NRXN2: variants seen among roughly 807,000 people sequenced by gnomAD.
NRXN2 encodes the protein neurexin-2-beta.
NRXN2 carries 29 observed loss-of-function variants against 128.8 expected under a neutral mutation model. The ratio of observed to expected loss-of-function variants is 0.23; its 90% confidence interval spans 0.17 to 0.31. The LOEUF is 0.31. Among genes scored for constraint, NRXN2 ranks in the 10% least tolerant of loss-of-function variants. The pLI, the probability that NRXN2 is intolerant of heterozygous loss-of-function variation, is 1.00. For missense variants in NRXN2, 1,881 were observed against 2,452.6 expected (o/e 0.77, Z 4.92); for synonymous variants, 1,098 against 1,075.2 (o/e 1.02, Z -0.41).
chr11:64,713,288 G>T lies in NRXN2; in HGVS notation c.412C>A (p.Arg138Ser), dbSNP rs1393547200. The change falls in exon 2 of 23, where the codon CGC (arginine) becomes AGC (serine). Residue 138 changes from arginine (R) to serine (S), a missense_variant. Transcript: ENST00000265459. The part of the protein sequence containing the change: ...VDGEARAAEV[R>S]SKRREMQVAS... ...ACCTGCATCTCGCGCCGCTTGGAGCGCACCTCGGCGGCGCGGGCCTCGCCG... is the reference window on the plus strand; with the variant it reads ...ACCTGCATCTCGCGCCGCTTGGAGCTCACCTCGGCGGCGCGGGCCTCGCCG... 3.6e-6 allele frequency: 5 copies of T among 1,380,708 alleles called. No homozygotes were observed. The highest frequency in any genetic ancestry group is 1.9e-6 in the Non-Finnish European group (2 of 1,070,998). The allele number at this position is 1,380,708 out of a possible 1,614,324, so 85.5% of individuals were successfully genotyped here.
At position 64,648,274 on chromosome 11, in the gene NRXN2, A is replaced by C. The variant is rs1330613066; in HGVS notation, c.3348T>G (p.Asp1116Glu). Residue 1116 changes from aspartate (D) to glutamate (E), a missense_variant, in exon 17 of 23, where the codon GAT becomes GAG. This residue lies in a region of NRXN2 where 390 missense variants were observed against 599.6 expected (regional missense o/e 0.65). Transcript: ENST00000265459. The surrounding 1 kb of genome is among the most constrained non-coding windows in gnomAD (Gnocchi z 4.1). ...ANQGVCLQQW[D>E]GFTCDCTMTS... ...TCATGGTGCAGTCGCAGGTGAAGCC[A>C]TCCCACTGCTGCAAGCAGACGCCCT... The C allele has an allele frequency of 5.6e-6, 9 of 1,614,102 alleles. No homozygotes were observed. Among genetic ancestry groups the C allele is most frequent in the Non-Finnish European group, 7.6e-6 (9 of 1,180,040 alleles).
intron 7 of NRXN2, chr11:64,676,666 A>C: frequency 2.2e-6 from 1 of 461,320 alleles, no homozygotes; most frequent in Non-Finnish European, 3.9e-6. Context: ...GGGCTGGTCT[A>C]ACCAGAGCCG....
At chr11:64,621,682 TAGA>T (rs1042113241) in intron 21 of NRXN2, among the ~76,000 whole-genome samples, 2 of 152,106 alleles carry the variant, frequency 1.3e-5, no homozygotes, top group South Asian at 2.1e-4. Context: ...GCCCTCACCC[TAGA>T]AGGACAGAGG....
intron 2 of NRXN2, among the ~76,000 whole-genome samples, chr11:64,700,320 T>C (rs1390847118): frequency 6.6e-6 from 1 of 152,192 alleles, no homozygotes; most frequent in Non-Finnish European, 1.5e-5. Context: ...ACTGAAGCCA[T>C]TCTCGACACC....
In NRXN2 at chr11:64,714,988, G is replaced by T. The variant is rs1035882692; in HGVS notation, c.-244-1045C>A. ...AGAGAAGGAGGTGGGGAGAAGCCTGGGAGAGAAGCAGGGAGGGGCTAGAGT... is the reference window on the plus strand; with the variant it reads ...AGAGAAGGAGGTGGGGAGAAGCCTGTGAGAGAAGCAGGGAGGGGCTAGAGT... On this transcript the variant is annotated intron_variant, in intron 1 of 22. Coordinates refer to ENST00000265459, the MANE Select transcript of NRXN2 (RefSeq NM_015080.4). The surrounding 1 kb of genome is among the most constrained non-coding windows in gnomAD (Gnocchi z 4.5). 3.3e-5 allele frequency among the ~76,000 whole-genome samples: 5 copies of T among 152,088 alleles called. No homozygotes were observed. The highest frequency in any genetic ancestry group is 7.3e-5 in the Non-Finnish European group (5 of 68,034).
chr11:64,626,048 A>G (rs922339011), intron 20 of NRXN2, among the ~76,000 whole-genome samples: 24 of 152,122 alleles, frequency 1.6e-4, no homozygotes, highest in Admixed American at 1.5e-3. Context: ...CTGCCTCTGC[A>G]TGCTCTGTGG....
At chr11:64,712,934 C>T in intron 2 of NRXN2, 36 bp downstream of exon 2, 1 of 1,488,108 alleles carries the variant, frequency 6.7e-7, no homozygotes, top group Non-Finnish European at 8.9e-7. Flanking sequence ...CTCACCCCCG[C>T]GCCCAGGCAC....
chr11:64,677,767 G>T (rs1202641338), intron 6 of NRXN2, among the ~76,000 whole-genome samples: 1 of 152,208 alleles, frequency 6.6e-6, no homozygotes, highest in Non-Finnish European at 1.5e-5. Context: ...TGGACTTATG[G>T]GTTTGTTGGC....
At chr11:64,627,716 A>T (rs1233346262) in intron 19 of NRXN2, among the ~76,000 whole-genome samples, 1 of 152,162 alleles carries the variant, frequency 6.6e-6, no homozygotes, top group South Asian at 2.1e-4. Flanking sequence ...GAGGATCTGT[A>T]CACCTCTGTG....
At chr11:64,624,762 T>G (rs368468159) in intron 20 of NRXN2, among the ~76,000 whole-genome samples, 1 of 152,344 alleles carries the variant, frequency 6.6e-6, no homozygotes, top group Non-Finnish European at 1.5e-5. Context: ...ATCTCTCTAT[T>G]GTGAAGCATC....
chr11:64,691,454 A>G (rs1247079862), intron 4 of NRXN2, among the ~76,000 whole-genome samples: 2 of 152,234 alleles, frequency 1.3e-5, no homozygotes, highest in Non-Finnish European at 2.9e-5. Context: ...CCCTACTGCC[A>G]GATCCACAGG....
intron 6 of NRXN2, among the ~76,000 whole-genome samples, chr11:64,680,744 A>G (rs538214109): frequency 3.9e-4 from 60 of 152,310 alleles, no homozygotes; most frequent in Middle Eastern, 6.8e-3. Context: ...TGTGACAGAA[A>G]GATAAAGTCC....
chr11:64,676,632 A>C, intron 7 of NRXN2: 1 of 305,000 alleles, frequency 3.3e-6, no homozygotes. Context: ...AAATAAAGCA[A>C]TAGAAATAAG....
At chr11:64,626,388 GA>G in intron 20 of NRXN2, 74 bp downstream of exon 20, 1 of 1,234,730 alleles carries the variant, frequency 8.1e-7, no homozygotes, top group Non-Finnish European at 1.2e-6. Flanking sequence ...CACGGAGGGG[GA>G]AAGAGAGAGC....
intron 6 of NRXN2, 23 bp downstream of exon 6, chr11:64,685,623 G>C (rs1223936110): frequency 6.2e-7 from 1 of 1,614,012 alleles, no homozygotes; most frequent in Admixed American, 1.7e-5. Flanking sequence ...GCTAATCCCT[G>C]GCCTTCTTCT....
intron 5 of NRXN2, among the ~76,000 whole-genome samples, chr11:64,686,605 C>G (rs2053089239): frequency 6.6e-6 from 1 of 152,234 alleles, no homozygotes; most frequent in Admixed American, 6.5e-5. Flanking sequence ...AACAGGCCAC[C>G]AGGCAGAGCT....
intron 17 of NRXN2, among the ~76,000 whole-genome samples, chr11:64,647,398 C>G (rs2046855436): frequency 1.3e-5 from 2 of 152,074 alleles, no homozygotes; most frequent in Non-Finnish European, 2.9e-5. Flanking sequence ...GCCAAAGCTA[C>G]CCCACAGAGT....
At chr11:64,653,293 G>T (rs797020198) in intron 12 of NRXN2, among the ~76,000 whole-genome samples, 1 of 152,080 alleles carries the variant, frequency 6.6e-6, no homozygotes, top group Non-Finnish European at 1.5e-5. Flanking sequence ...CAATTCTGGA[G>T]ATGCAGCAGC....
chr11:64,709,298 C>T (rs1472062387), intron 2 of NRXN2, among the ~76,000 whole-genome samples: 2 of 151,982 alleles, frequency 1.3e-5, no homozygotes, highest in Non-Finnish European at 2.9e-5. Context: ...GGATTCTGAC[C>T]CCTAGAGTTG....
Sources: allele counts gnomAD v4.1 joint callset (sites outside exome capture counted in the v4.1 genomes callset), GRCh38; gene constraint gnomAD v4.1.1; regional missense constraint gnomAD v4.1.1; non-coding constraint Gnocchi (gnomAD v3.1); transcripts MANE v1.5; gene names NCBI Gene and HGNC (gene_info 2026-07-23, HGNC 2026-07-21).